Variants in CATSPERE observed in about 807,000 individuals in gnomAD.
The protein encoded by CATSPERE is catsper channel auxiliary subunit epsilon, also known as cation channel sperm-associated auxiliary subunit epsilon.
In CATSPERE, 93 loss-of-function variants were observed where a neutral mutation model predicts 114.1. The ratio of observed to expected loss-of-function variants is 0.81; its 90% CI spans 0.69 to 0.97. The LOEUF (loss-of-function observed/expected upper bound fraction) is 0.97. Ranked by LOEUF, CATSPERE falls within the 50% of genes least tolerant of loss-of-function variation. CATSPERE has a pLI of 0.00. For missense variants in CATSPERE, 1,058 were observed against 1,131.6 expected (o/e 0.93, Z 0.93); for synonymous variants, 341 against 384.1 (o/e 0.89, Z 1.31).
At chr1:244,498,252 AAT>A (rs1673430347) in intron 6 of CATSPERE, among the ~76,000 whole-genome samples, 1 of 152,198 alleles carries the variant, frequency 6.6e-6, no homozygotes, top group African/African-American at 2.4e-5. Flanking sequence ...ATTCAGAAAA[AAT>A]ATGTTTAGCA....
intron 2 of CATSPERE, among the ~76,000 whole-genome samples, chr1:244,469,810 A>G (rs1376495663): frequency 1.3e-5 from 2 of 152,204 alleles, no homozygotes; most frequent in African/African-American, 2.4e-5. Flanking sequence ...TTTGAATACT[A>G]AGCTTACTAC....
chr1:244,533,175 T>G (rs1679875127), intron 8 of CATSPERE, among the ~76,000 whole-genome samples: 1 of 150,480 alleles, frequency 6.6e-6, no homozygotes, highest in Admixed American at 6.6e-5. Flanking sequence ...GTATAGCTAC[T>G]CCTCCTATTT....
At chr1:244,621,304 TAA>T (rs869072216) in intron 20 of CATSPERE, among the ~76,000 whole-genome samples, 10,455 of 64,056 alleles carry the variant, frequency 0.16, 4,700 homozygotes, top group Non-Finnish European at 0.19. Context: ...TATAAATATA[TAA>T]ATATATAAAA....
At chr1:244,457,641 A>G (rs1447080964), upstream of CATSPERE, 3 of 152,194 alleles carry the variant, frequency 2.0e-5, no homozygotes, top group Non-Finnish European at 2.9e-5. Context: ...TTTTGGCCAA[A>G]TGAATGACTT....
chr1:244,459,386 C>T (rs531428551), upstream of CATSPERE, among the ~76,000 whole-genome samples: 1 of 152,262 alleles, frequency 6.6e-6, no homozygotes, highest in East Asian at 1.9e-4. Context: ...CTGGGCTTGG[C>T]TTTTAAAAAG....
intron 9 of CATSPERE, 131 bp downstream of exon 9, chr1:244,552,945 A>G (rs1318358846): frequency 2.7e-6 from 1 of 372,456 alleles, no homozygotes; most frequent in Non-Finnish European, 4.2e-6. Context: ...CTAAGGCTGT[A>G]AACAGCTCTA....
chr1:244,467,121 C>A (rs1667725878), intron 2 of CATSPERE, among the ~76,000 whole-genome samples: 1 of 152,118 alleles, frequency 6.6e-6, no homozygotes, highest in Non-Finnish European at 1.5e-5. Flanking sequence ...AATCAGGAGT[C>A]TTTAGTTAAT....
rs1348095771 is a variant in CATSPERE, at chr1:244,461,286, G to T, written c.-144G>T. On this transcript the variant is annotated 5_prime_UTR_variant, in exon 1 of 22. Coordinates refer to ENST00000366534, the MANE Select transcript of CATSPERE (RefSeq NM_001130957.2). Reference sequence around the variant, plus strand: ...ACGCGCACGCGCACACTTCTCCCTCGCTGGTCTTCAGGCCCGGCCCGCCCT... The same window carrying T: ...ACGCGCACGCGCACACTTCTCCCTCTCTGGTCTTCAGGCCCGGCCCGCCCT... 1 of 623,708 alleles carries T rather than the reference G, an allele frequency of 1.6e-6. No individual in the cohort carries two copies. 38.6% of individuals were successfully genotyped at this position (623,708 alleles called of 1,614,324 possible).
intron 8 of CATSPERE, among the ~76,000 whole-genome samples, chr1:244,539,002 G>A (rs892303568): frequency 3.3e-5 from 5 of 152,192 alleles, no homozygotes; most frequent in African/African-American, 7.2e-5. Context: ...GCTGCACGTC[G>A]CTAGCCAGCT....
At chr1:244,628,259 G>T (rs1452430990) in intron 20 of CATSPERE, among the ~76,000 whole-genome samples, 39 of 152,152 alleles carry the variant, frequency 2.6e-4, no homozygotes. Flanking sequence ...GGCATCTAGT[G>T]GGGGTCTTGG....
chr1:244,610,130 G>A (rs1256217085), intron 18 of CATSPERE, 110 bp from the exon 19 acceptor site: 4 of 671,718 alleles, frequency 6.0e-6, no homozygotes, highest in Non-Finnish European at 2.5e-6. Context: ...TTTAAATAAT[G>A]TAAGTTTTAA....
rs1354970359 is a variant in CATSPERE, at chr1:244,552,312, CTCT to C, written c.537-5_537-3del. The C allele has an allele frequency of 6.3e-7, 1 of 1,581,592 alleles. No homozygotes were observed. The highest frequency in any genetic ancestry group is 1.2e-5 in the South Asian group (1 of 84,606). ...GAGATCATTTTATTCTCTTTTCTTT[CTCT>C]TCTTAGGACCTGGCGTATTGTAGTA... On this transcript the variant is annotated splice_region_variant and splice_polypyrimidine_tract_variant and intron_variant, in intron 8 of 21. Transcript: ENST00000366534.
At position 244,469,134 on chromosome 1, in the gene CATSPERE, A is replaced by T. The variant is rs562889751; in HGVS notation, c.114+5178A>T. Reference sequence around the variant, plus strand: ...GGACTTGACTACATTTAAGTTAATCATTGGGGAGGTTTATATGTAAGCTTG... The same window carrying T: ...GGACTTGACTACATTTAAGTTAATCTTTGGGGAGGTTTATATGTAAGCTTG... On this transcript the variant is annotated intron_variant, in intron 2 of 21. Transcript: ENST00000366534. Among the ~76,000 whole-genome samples, 8 of 152,268 alleles carry T rather than the reference A, an allele frequency of 5.3e-5. No homozygotes were observed. In the South Asian group the frequency reaches 1.7e-3, roughly 32 times the overall value.
chr1:244,523,803 G>T lies in CATSPERE; in HGVS notation c.536+5105G>T, dbSNP rs375116748. On this transcript the variant is annotated intron_variant, in intron 8 of 21. Transcript: ENST00000366534. The stretch of plus-strand genomic sequence containing the variant: ...AAGGGATGTGAAGGACCTCTTCAAG[G>T]AGAACTACAAACCACTGCTCAATGA... Among the ~76,000 whole-genome samples, 21 of 145,556 alleles carry T rather than the reference G, an allele frequency of 1.4e-4. No homozygotes were observed. In the Middle Eastern group the frequency reaches 0.017, roughly 120 times the overall value.
intron 19 of CATSPERE, among the ~76,000 whole-genome samples, chr1:244,611,582 G>A (rs1174791403): frequency 1.3e-5 from 2 of 151,870 alleles, no homozygotes; most frequent in Non-Finnish European, 2.9e-5. Flanking sequence ...GTGACACAGT[G>A]AGACCTTGTC....
In CATSPERE at chr1:244,565,866, GT is replaced by G. The variant is rs373995056; in HGVS notation, c.1507+4722del. Among the ~76,000 whole-genome samples, 474 of 152,148 alleles carry G rather than the reference GT, an allele frequency of 3.1e-3. 2 individuals are homozygous for G. Among genetic ancestry groups the G allele is most frequent in the African/African-American group, 0.011 (454 of 41,508 alleles). On this transcript the variant is annotated intron_variant, in intron 10 of 21. Transcript: ENST00000366534. Reference sequence around the variant, plus strand: ...TCTGCTCCAATCTTAGCTATTTCTTGTCTTCTGCTAGCTTTTGAACTTGTTT... The same window carrying G: ...TCTGCTCCAATCTTAGCTATTTCTTGCTTCTGCTAGCTTTTGAACTTGTTT...
At chr1:244,595,653 T>A (rs572170606) in intron 17 of CATSPERE, among the ~76,000 whole-genome samples, 1 of 152,242 alleles carries the variant, frequency 6.6e-6, no homozygotes, top group Non-Finnish European at 1.5e-5. Flanking sequence ...TGCTTTAGGC[T>A]GGGCACAGTG....
Position 244,572,711 on chromosome 1 carries a change from T to C in CATSPERE, c.1889T>C (p.Ile630Thr), listed in dbSNP as rs144507610. 8.4e-5 allele frequency: 136 copies of C among 1,613,308 alleles called. No individual in the cohort carries two copies. Among genetic ancestry groups the C allele is most frequent in the Non-Finnish European group, 9.7e-5 (115 of 1,179,828 alleles). ...ATTGTGGAATCTTATGGCCCAAAAA[T>C]ATTACAAGAGAGTCATGAGATTTCC... is the stretch of plus-strand genomic sequence containing the variant. The part of the protein sequence containing the change: ...YVIVESYGPK[I>T]LQESHEISFE... The change falls in exon 11 of 22, where the codon ATA becomes ACA. Residue 630 changes from isoleucine to threonine, a missense_variant. Physicochemically the swap from Ile to Thr is moderately conservative, Grantham distance 89. This residue lies in a region of CATSPERE where 787 missense variants were observed against 905.6 expected (regional missense o/e 0.87). Coordinates refer to ENST00000366534, the MANE Select transcript of CATSPERE (RefSeq NM_001130957.2).
chr1:244,621,655 G>T (rs1672414307), intron 20 of CATSPERE, among the ~76,000 whole-genome samples: 1 of 152,042 alleles, frequency 6.6e-6, no homozygotes, highest in East Asian at 1.9e-4. Context: ...CCAATACTGG[G>T]TTTATTAGAT....
Sources: gnomAD v4.1 joint callset for allele counts (sites outside exome capture counted in the v4.1 genomes callset) on GRCh38, gnomAD v4.1.1 for gene constraint, gnomAD v4.1.1 regional missense constraint, MANE v1.5 for transcripts, NCBI Gene and HGNC (gene_info 2026-07-23, HGNC 2026-07-21) for gene names.